JPH3: variants seen among roughly 807,000 people sequenced by gnomAD.
JPH3 encodes the protein junctophilin-3.
JPH3 carries 11 observed loss-of-function variants against 59.6 expected under a neutral mutation model. That is an observed-to-expected ratio of 0.18 (90% CI 0.12 to 0.31). JPH3 has a LOEUF of 0.31. Ranked by LOEUF, JPH3 falls within the 10% of genes least tolerant of loss-of-function variation. JPH3 has a pLI of 1.00. For missense variants in JPH3, 1,202 were observed against 1,105.7 expected, an observed-to-expected ratio of 1.09 and a Z score of -1.24; for synonymous variants, 673 against 483.6, an observed-to-expected ratio of 1.39 and a Z score of -5.14.
chr16:87,630,982 T>G (rs2031547961), intron 1 of JPH3, among the ~76,000 whole-genome samples: 3 of 152,240 alleles, frequency 2.0e-5, no homozygotes, highest in Non-Finnish European at 4.4e-5. Flanking sequence ...TCTGTACACT[T>G]CTCATGCATA....
chr16:87,636,562 C>T (rs910471240), intron 1 of JPH3, among the ~76,000 whole-genome samples: 18 of 152,316 alleles, frequency 1.2e-4, no homozygotes, highest in South Asian at 4.1e-4. Flanking sequence ...TGCCTGTTCC[C>T]GGCGCTTTGG....
At chr16:87,649,728 C>T (rs946806689) in intron 2 of JPH3, among the ~76,000 whole-genome samples, 5 of 152,200 alleles carry the variant, frequency 3.3e-5, no homozygotes, top group East Asian at 1.9e-4. Context: ...CCCGTTTCTC[C>T]TTCCCGTCCC....
chr16:87,681,418 AGG>A (rs2033290890), intron 2 of JPH3, among the ~76,000 whole-genome samples: 2 of 133,160 alleles, frequency 1.5e-5, no homozygotes, highest in African/African-American at 2.9e-5. Flanking sequence ...CAGTGCCGGG[AGG>A]TCAGGTGCGC....
intron 2 of JPH3, among the ~76,000 whole-genome samples, chr16:87,667,923 C>G (rs781316976): frequency 6.6e-6 from 1 of 152,212 alleles, no homozygotes; most frequent in Non-Finnish European, 1.5e-5. Context: ...GCCTGTGGCG[C>G]GTGCACAGGC....
intron 1 of JPH3, among the ~76,000 whole-genome samples, chr16:87,605,911 G>T (rs756089560): frequency 6.6e-6 from 1 of 152,234 alleles, no homozygotes; most frequent in East Asian, 1.9e-4. Context: ...ATGCAGATGG[G>T]GAGCTTCATG....
chr16:87,694,653 T>A (rs1305824104), intron 4 of JPH3: 1 of 152,956 alleles, frequency 6.5e-6, no homozygotes, highest in African/African-American at 2.4e-5. Flanking sequence ...GTTCTTTGCG[T>A]AGCTTTACTG....
chr16:87,659,554 C>T (rs555232714), intron 2 of JPH3, among the ~76,000 whole-genome samples: 1 of 151,958 alleles, frequency 6.6e-6, no homozygotes, highest in Non-Finnish European at 1.5e-5. Flanking sequence ...GAAATTCCAT[C>T]TCTACTAAAA....
intron 1 of JPH3, among the ~76,000 whole-genome samples, chr16:87,630,929 A>G (rs983289368): frequency 5.3e-5 from 8 of 152,294 alleles, no homozygotes; most frequent in African/African-American, 1.7e-4. Flanking sequence ...CATTATGACT[A>G]TGTAAGTATT....
At chr16:87,686,819 T>C (rs1186697885) in intron 3 of JPH3, among the ~76,000 whole-genome samples, 3 of 152,218 alleles carry the variant, frequency 2.0e-5, no homozygotes, top group Non-Finnish European at 4.4e-5. Context: ...GTCTTCATGA[T>C]ACAGATGCGG....
In JPH3 at chr16:87,684,368, AT is replaced by A. The variant is rs2150875008; in HGVS notation, c.1285+103del. On this transcript the variant is annotated intron_variant, in intron 3 of 4. Transcript: ENST00000284262. ...TGTCCTCCAGAGCGGGTAGGCTTAG[AT>A]GGGCTCAGCCCCAGCTGCTCCCCTG... 7 of 1,500,192 alleles carry A rather than the reference AT, an allele frequency of 4.7e-6. No homozygotes were observed. In the South Asian group the frequency reaches 6.6e-5, roughly 14 times the overall value. The allele number at this position is 1,500,192 out of a possible 1,614,324, so 92.9% of individuals were successfully genotyped here.
chr16:87,616,190 T>TTGTGTGTGTGTG lies in JPH3; in HGVS notation c.382+12698_382+12709dup, dbSNP rs56053716. On this transcript the variant is annotated intron_variant, in intron 1 of 4. Transcript: ENST00000284262. ...AGCAGAACAGCAACGCAATCTGGTT[T>TTGTGTGTGTGTG]TGTGTGTGTGTGTGTGTGTGTGTGT... 1.9e-3 allele frequency among the ~76,000 whole-genome samples: 217 copies of TTGTGTGTGTGTG among 116,014 alleles called. 2 individuals carry two copies. Among genetic ancestry groups the TTGTGTGTGTGTG allele is most frequent in the East Asian group, 0.011 (41 of 3,736 alleles). 76.1% of individuals were successfully genotyped at this position (116,014 alleles called of 152,430 possible).
intron 2 of JPH3, 79 bp downstream of exon 2, chr16:87,645,114 C>A (rs151079043): frequency 1.3e-5 from 18 of 1,419,740 alleles, no homozygotes; most frequent in East Asian, 2.3e-5. Context: ...GTCCTGCTGT[C>A]GCTCAAGGCC....
intron 2 of JPH3, among the ~76,000 whole-genome samples, chr16:87,648,032 C>T (rs2032210451): frequency 6.6e-6 from 1 of 152,156 alleles, no homozygotes; most frequent in Non-Finnish European, 1.5e-5. Context: ...TGGGGCCGGG[C>T]CTGTGGTTGC....
chr16:87,603,929 C>T (rs967547387), intron 1 of JPH3, among the ~76,000 whole-genome samples: 1 of 152,254 alleles, frequency 6.6e-6, no homozygotes, highest in Non-Finnish European at 1.5e-5. Flanking sequence ...CTGGAGGCCG[C>T]CCTTCGATCA....
intron 1 of JPH3, among the ~76,000 whole-genome samples, chr16:87,629,716 G>A (rs2031501466): frequency 6.6e-6 from 1 of 152,136 alleles, no homozygotes; most frequent in Admixed American, 6.5e-5. Context: ...CGGAGCCCGG[G>A]GGATTTGTAG....
At chr16:87,667,827 G>GTTTTGT (rs1555540808) in intron 2 of JPH3, among the ~76,000 whole-genome samples, 4 of 151,792 alleles carry the variant, frequency 2.6e-5, no homozygotes, top group Non-Finnish European at 5.9e-5. Flanking sequence ...GTTTTGTTTT[G>GTTTTGT]TTTTGTTTTT....
chr16:87,695,918 G>A (rs1257942659), intron 4 of JPH3: 1 of 456,088 alleles, frequency 2.2e-6, no homozygotes, highest in Non-Finnish European at 4.4e-6. Context: ...TGGGGCTCCG[G>A]CGGAGGCTGA....
chr16:87,649,388 G>A (rs1037000499), intron 2 of JPH3, among the ~76,000 whole-genome samples: 2 of 152,222 alleles, frequency 1.3e-5, no homozygotes, highest in South Asian at 2.1e-4. Flanking sequence ...TTTGCACGGC[G>A]CTGCCTGTCC....
At chr16:87,652,481 C>T (rs780682702) in intron 2 of JPH3, among the ~76,000 whole-genome samples, 31 of 152,112 alleles carry the variant, frequency 2.0e-4, no homozygotes, top group South Asian at 8.3e-4. Flanking sequence ...TTTTCTTTTT[C>T]GTGACAGGGT....
Sources: gnomAD v4.1 joint callset for allele counts (sites outside exome capture counted in the v4.1 genomes callset) on GRCh38, gnomAD v4.1.1 for gene constraint, MANE v1.5 for transcripts, NCBI Gene and HGNC (gene_info 2026-07-23, HGNC 2026-07-21) for gene names.